Variants in EXOC2 observed in about 807,000 individuals in gnomAD.
EXOC2 encodes SEC5-like 1.
Under a neutral mutation model 131.8 loss-of-function variants are expected in EXOC2, and 70 were observed. The ratio of observed to expected loss-of-function variants is 0.53; its 90% CI spans 0.44 to 0.65. The LOEUF (loss-of-function observed/expected upper bound fraction) is 0.65, where lower values mean the gene tolerates loss of function less well. Ranked by LOEUF, EXOC2 falls within the 30% of genes least tolerant of loss-of-function variation. The pLI, the probability that EXOC2 is intolerant of heterozygous loss-of-function variation, is 0.00. For missense variants in EXOC2, 923 were observed against 1,108.6 expected (o/e 0.83, Z 2.38); for synonymous variants, 411 against 398.4 (o/e 1.03, Z -0.38).
At position 573,968 on chromosome 6, in the gene EXOC2, G is replaced by A. The variant is rs532014484; in HGVS notation, c.1319-1324C>T. On this transcript the variant is annotated intron_variant, in intron 12 of 27. Transcript: ENST00000230449. ...ACACGTTTTTGGTTTTTACACAAACGAAAGGCCAAACACACTCTTTTGAAG... is the reference window on the plus strand; with the variant it reads ...ACACGTTTTTGGTTTTTACACAAACAAAAGGCCAAACACACTCTTTTGAAG... Among the ~76,000 whole-genome samples, 6 of 152,212 alleles carry A rather than the reference G, an allele frequency of 3.9e-5. No homozygotes were observed. In the East Asian group the frequency reaches 9.6e-4, roughly 24 times the overall value.
At chr6:494,957 C>G (rs1763627390) in intron 25 of EXOC2, among the ~76,000 whole-genome samples, 1 of 152,166 alleles carries the variant, frequency 6.6e-6, no homozygotes, top group African/African-American at 2.4e-5. Context: ...CAGTTCACTG[C>G]AGCCTTGACT....
At chr6:595,866 T>G (rs192087830) in intron 10 of EXOC2, among the ~76,000 whole-genome samples, 1 of 152,164 alleles carries the variant, frequency 6.6e-6, no homozygotes, top group African/African-American at 2.4e-5. Context: ...AATAAAGCAG[T>G]TGGATGACAA....
At chr6:540,932 T>C (rs1766776811) in intron 22 of EXOC2, among the ~76,000 whole-genome samples, 1 of 152,124 alleles carries the variant, frequency 6.6e-6, no homozygotes, top group Admixed American at 6.5e-5. Flanking sequence ...TTCTCAGTAA[T>C]CAAGAGATCA....
At chr6:515,040 G>A (rs370211353) in intron 23 of EXOC2, among the ~76,000 whole-genome samples, 185 of 152,360 alleles carry the variant, frequency 1.2e-3, no homozygotes, top group African/African-American at 4.2e-3. Flanking sequence ...AAAGGCATTT[G>A]AATTATGTTG....
At chr6:615,196 T>G (rs1010808577) in intron 6 of EXOC2, among the ~76,000 whole-genome samples, 2 of 151,716 alleles carry the variant, frequency 1.3e-5, no homozygotes, top group African/African-American at 4.8e-5. Context: ...TGTGTGTGTG[T>G]GTGTGTGTGT....
At position 655,080 on chromosome 6, in the gene EXOC2, T is replaced by G. The variant is rs142636516; in HGVS notation, c.-43-17219A>C. Among the ~76,000 whole-genome samples, 824 of 152,290 alleles carry G rather than the reference T, an allele frequency of 5.4e-3. 10 individuals carry two copies. The highest frequency in any genetic ancestry group is 0.019 in the African/African-American group (786 of 41,566). ...GACTGTTTTGAAAGAAGTTCTACTG[T>G]GGATAAAATACCCAAAGCATCCCAT... On this transcript the variant is annotated intron_variant, in intron 1 of 27. Coordinates refer to ENST00000230449, the MANE Select transcript of EXOC2 (RefSeq NM_018303.6).
At chr6:692,770 G>C (rs1294717830) in intron 1 of EXOC2, among the ~76,000 whole-genome samples, 1 of 149,540 alleles carries the variant, frequency 6.7e-6, no homozygotes, top group Non-Finnish European at 1.5e-5. Context: ...GGCGCAGGTG[G>C]GGACCGCGGG....
rs1761799909 is a variant in EXOC2 at position 630,649 on chromosome 6, C to G, written c.296-688G>C. Among the ~76,000 whole-genome samples, 3 of 152,084 alleles carry G rather than the reference C, an allele frequency of 2.0e-5. No individual in the cohort carries two copies. The South Asian group carries it at 6.2e-4, about 32-fold the overall frequency. On this transcript the variant is annotated intron_variant, in intron 3 of 27. Transcript: ENST00000230449. The stretch of plus-strand genomic sequence containing the variant: ...CAAGAAATATCTTTTATTTTCTTTT[C>G]CTCTACAAACTCTGGCATGTTTTCA...
chr6:645,830 T>C (rs1009287201), intron 1 of EXOC2, among the ~76,000 whole-genome samples: 1 of 152,150 alleles, frequency 6.6e-6, no homozygotes, highest in Non-Finnish European at 1.5e-5. Flanking sequence ...CTTGGAGAAA[T>C]GGCTGATGCA....
intron 11 of EXOC2, among the ~76,000 whole-genome samples, chr6:580,262 G>C (rs766047188): frequency 1.5e-4 from 23 of 152,236 alleles, no homozygotes; most frequent in Non-Finnish European, 2.8e-4. Context: ...GGCTGGTCTT[G>C]AACTCCTGAC....
chr6:643,524 C>G (rs1762446388), intron 1 of EXOC2, among the ~76,000 whole-genome samples: 2 of 151,818 alleles, frequency 1.3e-5, no homozygotes, highest in African/African-American at 4.8e-5. Context: ...AAACATTTAT[C>G]AAAATTTGTG....
intron 17 of EXOC2, 112 bp from the exon 18 acceptor site, chr6:556,676 G>T: frequency 9.0e-7 from 1 of 1,113,532 alleles, no homozygotes; most frequent in Non-Finnish European, 1.3e-6. Flanking sequence ...TTAATGGAAT[G>T]GAACAGACAC....
chr6:529,308 TGACA>T (rs1279006066), intron 23 of EXOC2, among the ~76,000 whole-genome samples: 1 of 152,258 alleles, frequency 6.6e-6, no homozygotes, highest in East Asian at 1.9e-4. Flanking sequence ...GCCTTTCACC[TGACA>T]GACATTCTCG....
intron 18 of EXOC2, 68 bp from the exon 19 acceptor site, chr6:556,081 G>T: frequency 7.1e-7 from 1 of 1,418,296 alleles, no homozygotes; most frequent in Admixed American, 1.7e-5. Context: ...TATGAAGTTA[G>T]ATATGAACAG....
chr6:562,511 GCATACTCTGTTTTT>G (rs1467680430), intron 17 of EXOC2, among the ~76,000 whole-genome samples: 1 of 152,126 alleles, frequency 6.6e-6, no homozygotes, highest in Middle Eastern at 3.2e-3. Flanking sequence ...TTAGAATTGA[GCATACTCTGTTTTT>G]AAAAAACTAA....
chr6:524,238 T>C (rs968755882), intron 23 of EXOC2: 4 of 152,238 alleles, frequency 2.6e-5, no homozygotes, highest in Admixed American at 1.3e-4. Flanking sequence ...AGGTGTCATC[T>C]TGTGAAGAGG....
At chr6:526,292 C>T (rs1000679592) in intron 23 of EXOC2, among the ~76,000 whole-genome samples, 5 of 152,066 alleles carry the variant, frequency 3.3e-5, no homozygotes, top group Admixed American at 1.3e-4. Flanking sequence ...TAAAATGATA[C>T]CCTAATGGTA....
chr6:556,495 C>T lies in EXOC2; in HGVS notation c.1921G>A (p.Gly641Arg). 3 of 1,613,994 alleles carry T rather than the reference C, an allele frequency of 1.9e-6. No individual in the cohort carries two copies. Among genetic ancestry groups the T allele is most frequent in the Non-Finnish European group, 2.5e-6 (3 of 1,179,932 alleles). ...GCTGGAATACTTACACTGGCCTCTC[C>T]CGGCTTGCACTCCAGAACCCCCTTC... The part of the protein sequence containing the change: ...SLKGVLECKP[G>R]EASVFQQPKT... Residue 641 changes from glycine to arginine, a missense_variant, in exon 18 of 28, where the codon GGA (glycine) becomes AGA (arginine). Coordinates refer to ENST00000230449, the MANE Select transcript of EXOC2 (RefSeq NM_018303.6).
chr6:489,083 G>C, intron 26 of EXOC2, 45 bp from the exon 27 acceptor site: 2 of 1,584,834 alleles, frequency 1.3e-6, no homozygotes, highest in South Asian at 2.3e-5. Context: ...TTGCACAGGA[G>C]AACTGCTGAC....
Sources: allele counts gnomAD v4.1 joint callset (sites outside exome capture counted in the v4.1 genomes callset), GRCh38; gene constraint gnomAD v4.1.1; transcripts MANE v1.5; gene names NCBI Gene and HGNC (gene_info 2026-07-23, HGNC 2026-07-21).